STK32B: variants seen among roughly 807,000 people sequenced by gnomAD.
STK32B encodes serine/threonine-protein kinase 32B.
A neutral mutation model predicts 52.6 loss-of-function variants in STK32B; 43 were observed. The ratio of observed to expected loss-of-function variants is 0.82; its 90% CI spans 0.64 to 1.05. The LOEUF (loss-of-function observed/expected upper bound fraction) is 1.05, where lower values mean the gene tolerates loss of function less well. STK32B is among the 50% of genes least tolerant of loss of function. The pLI is 0.00. For missense variants in STK32B, 621 were observed against 534.6 expected (o/e 1.16, Z -1.59); for synonymous variants, 238 against 204.3 (o/e 1.17, Z -1.41).
chr4:5,293,979 G>A (rs183129952), intron 3 of STK32B, among the ~76,000 whole-genome samples: 138 of 152,212 alleles, frequency 9.1e-4, no homozygotes, highest in African/African-American at 3.1e-3. Context: ...GTGTAAGGAA[G>A]GGGTCCAGTT....
intron 3 of STK32B, among the ~76,000 whole-genome samples, chr4:5,172,189 T>C (rs1311217910): frequency 2.0e-5 from 3 of 152,248 alleles, no homozygotes; most frequent in African/African-American, 7.2e-5. Flanking sequence ...AGTTGCTTAT[T>C]AGGTTAAGGA....
intron 3 of STK32B, among the ~76,000 whole-genome samples, chr4:5,316,899 A>C (rs1432716684): frequency 7.2e-4 from 8 of 11,152 alleles, no homozygotes; most frequent in African/African-American, 6.0e-3. Context: ...TATTATATAT[A>C]ATATATAATA....
At chr4:5,445,290 A>C (rs2109119067) in intron 6 of STK32B, among the ~76,000 whole-genome samples, 1 of 152,318 alleles carries the variant, frequency 6.6e-6, no homozygotes, top group South Asian at 2.1e-4. Flanking sequence ...CTCATCCTGG[A>C]TCTTGTTTCC....
At chr4:5,244,217 T>C (rs1013353773) in intron 3 of STK32B, among the ~76,000 whole-genome samples, 1 of 152,204 alleles carries the variant, frequency 6.6e-6, no homozygotes, top group Admixed American at 6.5e-5. Flanking sequence ...CCTGGACTTT[T>C]TTTGGTTGGT....
At chr4:5,069,688 A>C (rs1711635848) in intron 1 of STK32B, among the ~76,000 whole-genome samples, 1 of 152,172 alleles carries the variant, frequency 6.6e-6, no homozygotes, top group Non-Finnish European at 1.5e-5. Flanking sequence ...GTACTAAATG[A>C]GTTAATGTAC....
At chr4:5,207,959 T>A (rs1402831937) in intron 3 of STK32B, among the ~76,000 whole-genome samples, 1 of 152,204 alleles carries the variant, frequency 6.6e-6, no homozygotes, top group African/African-American at 2.4e-5. Flanking sequence ...AAACATTTTC[T>A]GGTTTGATGT....
chr4:5,241,331 T>A (rs1725005522), intron 3 of STK32B, among the ~76,000 whole-genome samples: 1 of 152,148 alleles, frequency 6.6e-6, no homozygotes, highest in East Asian at 1.9e-4. Context: ...CGTTGCCCCA[T>A]GTACCATTAT....
intron 2 of STK32B, among the ~76,000 whole-genome samples, chr4:5,152,597 G>C (rs927647003): frequency 6.6e-5 from 10 of 152,278 alleles, no homozygotes; most frequent in African/African-American, 1.9e-4. Context: ...GATGTCAGGA[G>C]ACAGTGCAGA....
chr4:5,168,995 G>A (rs937313202), intron 3 of STK32B, among the ~76,000 whole-genome samples: 1 of 152,176 alleles, frequency 6.6e-6, no homozygotes, highest in African/African-American at 2.4e-5. Context: ...CATCCTGTTG[G>A]TGGTTCCCTG....
At chr4:5,484,245 G>A (rs983455437) in intron 11 of STK32B, among the ~76,000 whole-genome samples, 12 of 152,124 alleles carry the variant, frequency 7.9e-5, no homozygotes, top group African/African-American at 2.9e-4. Context: ...AGGTCTCTAA[G>A]GACTTGCTCT....
At chr4:5,419,749 C>T (rs1712468964) in intron 6 of STK32B, among the ~76,000 whole-genome samples, 1 of 152,262 alleles carries the variant, frequency 6.6e-6, no homozygotes, top group East Asian at 1.9e-4. Flanking sequence ...GCAAATGCAT[C>T]CATGAGTTTT....
chr4:5,032,626 A>T, the STK32B span, among the ~76,000 whole-genome samples: 2 of 152,076 alleles, frequency 1.3e-5, no homozygotes, highest in Non-Finnish European at 2.9e-5. Context: ...ATGAAAAAAA[A>T]TTTTATTGTA....
intron 4 of STK32B, among the ~76,000 whole-genome samples, chr4:5,392,738 A>G (rs1397687421): frequency 1.3e-5 from 2 of 152,236 alleles, no homozygotes; most frequent in Non-Finnish European, 2.9e-5. Flanking sequence ...TTGTGTCAAG[A>G]TAATGACATA....
At chr4:5,465,879 C>G (rs1268822948) in intron 9 of STK32B, among the ~76,000 whole-genome samples, 1 of 152,146 alleles carries the variant, frequency 6.6e-6, no homozygotes, top group East Asian at 1.9e-4. Context: ...CCTGGCCCTA[C>G]TTGGAGTACT....
chr4:5,495,595 C>G (rs908690525), intron 11 of STK32B, among the ~76,000 whole-genome samples: 2 of 152,230 alleles, frequency 1.3e-5, no homozygotes, highest in Non-Finnish European at 2.9e-5. Flanking sequence ...CATTCTCCCT[C>G]CAGCTTTGTT....
chr4:5,391,519 A>G lies in STK32B; in HGVS notation c.435-6688A>G, dbSNP rs148722301. 1.4e-4 allele frequency among the ~76,000 whole-genome samples: 21 copies of G among 152,310 alleles called. No homozygotes were observed. The East Asian group carries it at 3.9e-3, about 28-fold the overall frequency. On this transcript the variant is annotated intron_variant, in intron 4 of 11. Transcript: ENST00000282908. ...GACAATATCCCAGGAGAAGATTGCA[A>G]CTGAGCTGTATCCTGAAACCTGGGT...
chr4:5,461,293 T>C (rs1302756915), intron 9 of STK32B, among the ~76,000 whole-genome samples: 1 of 152,164 alleles, frequency 6.6e-6, no homozygotes, highest in African/African-American at 2.4e-5. Context: ...CCCCGTATTA[T>C]GTGAATGGAG....
Position 5,078,522 on chromosome 4 carries a change from T to C in STK32B, c.52+26607T>C, listed in dbSNP as rs559387145. On this transcript the variant is annotated intron_variant, in intron 1 of 11. Transcript: ENST00000282908. ...GTCTTTGCCACTAGCCAAATATTGA[T>C]AAGTTCTGGGGGTCTAGAATGTTGG... is the stretch of plus-strand genomic sequence containing the variant. Among the ~76,000 whole-genome samples, 13 of 152,338 alleles carry C rather than the reference T, an allele frequency of 8.5e-5. No homozygotes were observed. The South Asian group carries it at 2.7e-3, about 32-fold the overall frequency.
chr4:5,279,844 T>C (rs1354314), intron 3 of STK32B, among the ~76,000 whole-genome samples: 31,068 of 152,170 alleles, frequency 0.2, 6,670 homozygotes, highest in African/African-American at 0.54. Flanking sequence ...GCTGTACCTT[T>C]GCCCCTTTTA....
Sources: allele counts gnomAD v4.1 joint callset (sites outside exome capture counted in the v4.1 genomes callset), GRCh38; gene constraint gnomAD v4.1.1; transcripts MANE v1.5; gene names NCBI Gene and HGNC (gene_info 2026-07-23, HGNC 2026-07-21).